The following NLRP8 variants were observed in gnomAD, a reference collection of about 807,000 sequenced individuals.
NLRP8 encodes the protein NACHT, LRR and PYD domains-containing protein 8.
In NLRP8, 86 loss-of-function variants were observed where a neutral mutation model predicts 88.7. That is an observed-to-expected ratio of 0.97 (90% CI 0.81 to 1.16). The LOEUF (loss-of-function observed/expected upper bound fraction) is 1.16. Ranked by LOEUF, NLRP8 falls within the 50% of genes most tolerant of loss-of-function variation. The probability of loss-of-function intolerance (pLI) is 0.00; values close to 1 mark genes in which losing one functional copy is unlikely to be tolerated. For synonymous variants in NLRP8, 504 were observed against 494.6 expected (o/e 1.02, Z -0.25); for missense variants, 1,342 against 1,286.5 (o/e 1.04, Z -0.66).
chr19:55,957,402 C>T (rs1305374099), intron 3 of NLRP8, among the ~76,000 whole-genome samples: 1 of 151,906 alleles, frequency 6.6e-6, no homozygotes, highest in African/African-American at 2.4e-5. Context: ...TTAAAAGAAA[C>T]AAGCTGGGTG....
At chr19:55,969,728 C>G (rs1046409431) in intron 5 of NLRP8, among the ~76,000 whole-genome samples, 10 of 152,166 alleles carry the variant, frequency 6.6e-5, no homozygotes, top group African/African-American at 2.2e-4. Context: ...TATGACCTCT[C>G]ATTTTGTTTT....
chr19:55,960,897 CTTTTTTTTT>C (rs36087472), intron 3 of NLRP8, among the ~76,000 whole-genome samples: 2 of 91,006 alleles, frequency 2.2e-5, no homozygotes, highest in Non-Finnish European at 4.1e-5. Flanking sequence ...AACTATTTCT[CTTTTTTTTT>C]TTTTTTTTTT....
intron 5 of NLRP8, among the ~76,000 whole-genome samples, chr19:55,966,593 G>C (rs1226370820): frequency 6.6e-6 from 1 of 152,096 alleles, no homozygotes; most frequent in African/African-American, 2.4e-5. Context: ...ACGAGGTAGA[G>C]ACCAACCTGG....
At chr19:55,951,187 A>G (rs1979078911) in intron 1 of NLRP8, among the ~76,000 whole-genome samples, 1 of 152,222 alleles carries the variant, frequency 6.6e-6, no homozygotes, top group East Asian at 1.9e-4. Context: ...TAGGGAGAAA[A>G]TACGCTTGTT....
In NLRP8 at chr19:55,982,463, A is replaced by G. The variant is rs150280183; in HGVS notation, c.3047+2899A>G. ...ATGGAGTACTATTCAGCCATGAAAA[A>G]GAAACTTAAGTGTAGAAACAATGGT... On this transcript the variant is annotated intron_variant, in intron 9 of 9. Transcript: ENST00000291971. Among the ~76,000 whole-genome samples the G allele has an allele frequency of 1.5e-3, 229 of 152,352 alleles. 1 individual carries two copies. Among genetic ancestry groups the G allele is most frequent in the African/African-American group, 5.1e-3 (213 of 41,580 alleles).
intron 6 of NLRP8, among the ~76,000 whole-genome samples, chr19:55,971,665 A>G (rs202073764): frequency 1.1e-4 from 12 of 113,224 alleles, no homozygotes; most frequent in Non-Finnish European, 1.8e-4. Context: ...ACACACACAC[A>G]CGCACACACA....
intron 4 of NLRP8, among the ~76,000 whole-genome samples, chr19:55,965,532 G>A (rs1025455203): frequency 6.6e-6 from 1 of 152,142 alleles, no homozygotes; most frequent in South Asian, 2.1e-4. Context: ...CATGATTTTA[G>A]GAGAGTGCAG....
intron 6 of NLRP8, among the ~76,000 whole-genome samples, chr19:55,971,327 C>G (rs1458079186): frequency 6.6e-6 from 1 of 150,768 alleles, no homozygotes; most frequent in Admixed American, 6.7e-5. Flanking sequence ...ATAATCCCAG[C>G]TACTCGGGAG....
At chr19:55,971,880 A>T (rs1355863201) in intron 6 of NLRP8, among the ~76,000 whole-genome samples, 3 of 152,070 alleles carry the variant, frequency 2.0e-5, no homozygotes, top group Non-Finnish European at 4.4e-5. Flanking sequence ...AGGAAATGGT[A>T]CCTTATGGTT....
intron 9 of NLRP8, among the ~76,000 whole-genome samples, chr19:55,984,769 C>G (rs1018615368): frequency 1.3e-5 from 2 of 148,678 alleles, no homozygotes; most frequent in East Asian, 4.0e-4. Context: ...CCCAGGAGTT[C>G]GAGGCTGCAG....
At chr19:55,970,513 A>G in intron 5 of NLRP8, 31 bp from the exon 6 acceptor site, 2 of 1,611,462 alleles carry the variant, frequency 1.2e-6, no homozygotes, top group Non-Finnish European at 8.5e-7. Context: ...CCCCAGAACC[A>G]TGGCTCAGCA....
chr19:55,948,317 G>A (rs746166373), intron 1 of NLRP8, 48 bp downstream of exon 1: 38 of 1,567,024 alleles, frequency 2.4e-5, no homozygotes, highest in Non-Finnish European at 3.0e-5. Context: ...TGGCTGCTGG[G>A]CAGCTAAACT....
At chr19:55,963,070 G>A (rs571289328) in intron 4 of NLRP8, among the ~76,000 whole-genome samples, 1 of 152,100 alleles carries the variant, frequency 6.6e-6, no homozygotes, top group African/African-American at 2.4e-5. Context: ...CTGGAGTGCA[G>A]TGGCTGGATC....
chr19:55,973,573 C>T (rs891156827), intron 6 of NLRP8, 79 bp from the exon 7 acceptor site: 1 of 1,324,980 alleles, frequency 7.5e-7, no homozygotes. Flanking sequence ...AGAGGGAGAG[C>T]CCTGACTGAG....
In NLRP8 at chr19:55,955,229, T is replaced by C; in HGVS notation, c.1171T>C (p.Ser391Pro). The C allele has an allele frequency of 6.2e-7, 1 of 1,614,134 alleles. No individual in the cohort carries two copies. Among genetic ancestry groups the C allele is most frequent in the Non-Finnish European group, 8.5e-7 (1 of 1,179,996 alleles). The change falls in exon 3 of 10, where the codon TCC (serine) becomes CCC (proline). Residue 391 changes from serine to proline, a missense_variant. Ser to Pro is a moderately conservative substitution (Grantham distance 74). Coordinates refer to ENST00000291971, the MANE Select transcript of NLRP8 (RefSeq NM_176811.2). ...CGCCATGGAAAACACCATTCTCTTC[T>C]CCATGTGCCGGGTCCCTGTGGTTTG...
chr19:55,951,313 G>A (rs1979084558), intron 1 of NLRP8, among the ~76,000 whole-genome samples: 1 of 152,096 alleles, frequency 6.6e-6, no homozygotes, highest in Non-Finnish European at 1.5e-5. Flanking sequence ...TGTAAAACAA[G>A]TTTTTATATT....
chr19:55,963,918 G>A (rs1979725612), intron 4 of NLRP8, among the ~76,000 whole-genome samples: 2 of 152,090 alleles, frequency 1.3e-5, no homozygotes, highest in Non-Finnish European at 2.9e-5. Flanking sequence ...GGCTATCTTA[G>A]GTTCTTTGCA....
chr19:55,979,625 C>T (rs1307044531), intron 9 of NLRP8, 61 bp downstream of exon 9: 14 of 1,577,036 alleles, frequency 8.9e-6, no homozygotes, highest in Admixed American at 3.4e-5. Context: ...CCTTGTAAAA[C>T]GTGAGATGCT....
intron 3 of NLRP8, among the ~76,000 whole-genome samples, chr19:55,958,106 G>T (rs1979456746): frequency 1.3e-5 from 2 of 152,120 alleles, no homozygotes; most frequent in South Asian, 4.1e-4. Context: ...GCTAAAATTT[G>T]ACCCCCGTGG....
Sources: gnomAD v4.1 joint callset for allele counts (sites outside exome capture counted in the v4.1 genomes callset) on GRCh38, gnomAD v4.1.1 for gene constraint, MANE v1.5 for transcripts, NCBI Gene and HGNC (gene_info 2026-07-23, HGNC 2026-07-21) for gene names.